The following LRRC37A2 variants were observed in gnomAD, a reference collection of about 807,000 sequenced individuals.
The protein encoded by LRRC37A2 is leucine-rich repeat-containing protein 37A2.
A neutral mutation model predicts 68.8 loss-of-function variants in LRRC37A2; 9 were observed. The observed-to-expected ratio is 0.13, with a 90% CI of 0.08 to 0.23. LRRC37A2 has a LOEUF of 0.23. LRRC37A2 is among the 10% of genes least tolerant of loss of function. The pLI, the probability that LRRC37A2 is intolerant of heterozygous loss-of-function variation, is 1.00. For missense variants in LRRC37A2, 168 were observed against 950.4 expected (o/e 0.18, Z 10.82); for synonymous variants, 63 against 367.6 (o/e 0.17, Z 9.48).
chr17:46,448,267 GA>G, the LRRC37A2 span, among the ~76,000 whole-genome samples: 1 of 95,438 alleles, frequency 1.0e-5, no homozygotes, highest in Admixed American at 1.0e-4. Context: ...AACACTTTTG[GA>G]TGAAGTGCCC....
chr17:46,723,827 T>A, the LRRC37A2 span, among the ~76,000 whole-genome samples: 1 of 152,206 alleles, frequency 6.6e-6, no homozygotes, highest in Non-Finnish European at 1.5e-5. Context: ...AATTAACTAT[T>A]ATTCCCCTCT....
the LRRC37A2 span, among the ~76,000 whole-genome samples, chr17:46,759,901 C>T: frequency 1.3e-5 from 2 of 152,290 alleles, no homozygotes; most frequent in African/African-American, 2.4e-5. Flanking sequence ...TGTGTTTAGA[C>T]GTTTGTAAGT....
Position 46,550,412 on chromosome 17 carries a change from TA to T in LRRC37A2, c.4705-2del. ...TTTTTTTTTTGTGTGTTTTTTTTTTTAGCTCAAAAAAGAAGTTCCAGGATAT... is the reference window on the plus strand; with the variant it reads ...TTTTTTTTTTGTGTGTTTTTTTTTTTGCTCAAAAAAGAAGTTCCAGGATAT... On this transcript the variant is annotated splice_acceptor_variant, in intron 10 of 14. Coordinates refer to ENST00000576629, the Ensembl canonical transcript of LRRC37A2. LOFTEE classifies it high-confidence loss of function. 2.6e-6 allele frequency: 2 copies of T among 758,068 alleles called. No homozygotes were observed. The highest frequency in any genetic ancestry group is 2.7e-5 in the East Asian group (1 of 37,594). The allele number at this position is 758,068 out of a possible 1,614,324, so 47.0% of individuals were successfully genotyped here.
At chr17:46,998,063 T>C in the LRRC37A2 span, among the ~76,000 whole-genome samples, 1 of 152,178 alleles carries the variant, frequency 6.6e-6, no homozygotes, top group African/African-American at 2.4e-5. Flanking sequence ...CTAATCATAT[T>C]GTGTGCATCT....
the LRRC37A2 span, chr17:46,935,682 CT>C: frequency 1.0e-6 from 1 of 989,906 alleles, no homozygotes; most frequent in Non-Finnish European, 1.2e-6. Flanking sequence ...GCTTCTAGAG[CT>C]TCTAAAGCCC....
chr17:47,036,198 T>G, the LRRC37A2 span, among the ~76,000 whole-genome samples: 27 of 152,280 alleles, frequency 1.8e-4, no homozygotes, highest in East Asian at 5.0e-3. Flanking sequence ...CTTTGGTTGT[T>G]TGTGCTTTTG....
the LRRC37A2 span, among the ~76,000 whole-genome samples, chr17:46,739,082 A>T: frequency 6.6e-6 from 1 of 151,572 alleles, no homozygotes; most frequent in Non-Finnish European, 1.5e-5. Context: ...CTAAAAATAC[A>T]AAAAAGTCCA....
the LRRC37A2 span, among the ~76,000 whole-genome samples, chr17:46,695,605 T>TA: frequency 2.3e-5 from 2 of 88,158 alleles, no homozygotes; most frequent in Non-Finnish European, 4.2e-5. Flanking sequence ...TTGTACTAAA[T>TA]ACCCTCACCT....
the LRRC37A2 span, among the ~76,000 whole-genome samples, chr17:47,003,415 C>T: frequency 6.6e-6 from 1 of 152,216 alleles, no homozygotes; most frequent in Non-Finnish European, 1.5e-5. Context: ...CTGTCCTGGA[C>T]ATCACACAAC....
the LRRC37A2 span, among the ~76,000 whole-genome samples, chr17:46,829,373 T>C: frequency 1.3e-5 from 2 of 152,228 alleles, no homozygotes; most frequent in African/African-American, 4.8e-5. Flanking sequence ...TTTCACCATG[T>C]TGGCCAGGCT....
the LRRC37A2 span, among the ~76,000 whole-genome samples, chr17:46,501,730 C>T: frequency 6.6e-6 from 1 of 151,250 alleles, no homozygotes; most frequent in Admixed American, 6.6e-5. Context: ...TCAATTCAAT[C>T]ACCTTTCCAT....
chr17:46,926,877 A>G, the LRRC37A2 span, among the ~76,000 whole-genome samples: 7 of 152,346 alleles, frequency 4.6e-5, no homozygotes, highest in East Asian at 1.9e-4. Context: ...ACGTCCTGCC[A>G]TGTACATCTC....
the LRRC37A2 span, among the ~76,000 whole-genome samples, chr17:46,985,631 G>A: frequency 6.6e-6 from 1 of 151,968 alleles, no homozygotes; most frequent in African/African-American, 2.4e-5. Context: ...GAATGAGACA[G>A]GCATCCCAGG....
the LRRC37A2 span, among the ~76,000 whole-genome samples, chr17:47,022,787 G>A: frequency 2.0e-5 from 3 of 152,144 alleles, no homozygotes; most frequent in Non-Finnish European, 2.9e-5. Context: ...TCCATAGTAT[G>A]GATGCATCAT....
the LRRC37A2 span, among the ~76,000 whole-genome samples, chr17:46,986,125 CT>C: frequency 7.9e-5 from 12 of 152,040 alleles, no homozygotes; most frequent in South Asian, 2.5e-3. Flanking sequence ...GTGAATTTCC[CT>C]GGGGGTGGGG....
chr17:46,978,103 G>A, the LRRC37A2 span: 1 of 154,792 alleles, frequency 6.5e-6, no homozygotes, highest in African/African-American at 2.4e-5. Context: ...TGTCCGCCAG[G>A]AGGGTACATG....
At chr17:46,899,499 G>C in the LRRC37A2 span, among the ~76,000 whole-genome samples, 2 of 152,290 alleles carry the variant, frequency 1.3e-5, no homozygotes, top group Middle Eastern at 3.4e-3. Context: ...AATGCTAAGT[G>C]AAAGAAGCCA....
chr17:46,759,955 A>G, the LRRC37A2 span, among the ~76,000 whole-genome samples: 1 of 152,188 alleles, frequency 6.6e-6, no homozygotes, highest in Non-Finnish European at 1.5e-5. Context: ...ACAGCTATCA[A>G]CTGTATTCTC....
chr17:46,960,364 G>A, the LRRC37A2 span, among the ~76,000 whole-genome samples: 4 of 152,102 alleles, frequency 2.6e-5, no homozygotes, highest in Non-Finnish European at 5.9e-5. Flanking sequence ...AAGTGCTGAC[G>A]AGGACATAGA....
Sources: gnomAD v4.1 joint callset for allele counts (sites outside exome capture counted in the v4.1 genomes callset) on GRCh38, gnomAD v4.1.1 for gene constraint, MANE v1.5 for transcripts, NCBI Gene and HGNC (gene_info 2026-07-23, HGNC 2026-07-21) for gene names.